The following FAT3 variants were observed in gnomAD, a reference collection of about 807,000 sequenced individuals.
The protein encoded by FAT3 is FAT atypical cadherin 3.
FAT3 carries 95 observed loss-of-function variants against 310.2 expected under a neutral mutation model. The observed-to-expected ratio is 0.31, with a 90% CI of 0.26 to 0.36. FAT3 has a LOEUF of 0.36. Ranked by LOEUF, FAT3 falls within the 10% of genes least tolerant of loss-of-function variation. The pLI, the probability that FAT3 is intolerant of heterozygous loss-of-function variation, is 1.00. For synonymous variants in FAT3, 2,314 were observed against 2,192.9 expected, an observed-to-expected ratio of 1.06 and a Z score of -1.54; for missense variants, 5,408 against 5,715.6, an observed-to-expected ratio of 0.95 and a Z score of 1.74.
At chr11:92,689,040 A>G (rs1030105188) in intron 3 of FAT3, among the ~76,000 whole-genome samples, 3 of 152,164 alleles carry the variant, frequency 2.0e-5, no homozygotes, top group Non-Finnish European at 4.4e-5. Context: ...GAATAGTATT[A>G]TTTGGGCATG....
At chr11:92,709,015 G>A (rs1007558369) in intron 4 of FAT3, among the ~76,000 whole-genome samples, 2 of 152,108 alleles carry the variant, frequency 1.3e-5, no homozygotes, top group East Asian at 1.9e-4. Flanking sequence ...TAGGTAGACC[G>A]AGGCACCCAA....
intron 2 of FAT3, among the ~76,000 whole-genome samples, chr11:92,433,394 G>A (rs936043860): frequency 6.6e-6 from 1 of 152,198 alleles, no homozygotes; most frequent in Admixed American, 6.5e-5. Flanking sequence ...TGGTCTGCAG[G>A]TTGCAAAGAC....
intron 1 of FAT3, among the ~76,000 whole-genome samples, chr11:92,282,106 A>G (rs1228831685): frequency 6.6e-6 from 1 of 151,958 alleles, no homozygotes; most frequent in Non-Finnish European, 1.5e-5. Flanking sequence ...GGGTTTCACC[A>G]TGTTTGCCAG....
intron 2 of FAT3, among the ~76,000 whole-genome samples, chr11:92,489,008 G>A (rs550107340): frequency 3.7e-4 from 56 of 152,196 alleles, no homozygotes; most frequent in Non-Finnish European, 5.7e-4. Context: ...ATCCACCTAG[G>A]AGAGTCAAAT....
At chr11:92,327,654 C>A (rs1000588412) in intron 1 of FAT3, among the ~76,000 whole-genome samples, 6 of 152,196 alleles carry the variant, frequency 3.9e-5, no homozygotes, top group Non-Finnish European at 2.9e-5. Context: ...TGACTCCACA[C>A]ATGTTTAAAA....
chr11:92,833,899 T>G (rs1011959201), intron 14 of FAT3, among the ~76,000 whole-genome samples: 2 of 152,164 alleles, frequency 1.3e-5, no homozygotes, highest in African/African-American at 4.8e-5. Flanking sequence ...TCCAGAAAAC[T>G]TAATTATGGG....
intron 22 of FAT3, among the ~76,000 whole-genome samples, chr11:92,878,764 C>T (rs1949602347): frequency 6.7e-6 from 1 of 149,234 alleles, no homozygotes; most frequent in African/African-American, 2.5e-5. Flanking sequence ...AAAGCAAAAC[C>T]TCATAGAGAT....
chr11:92,568,389 T>C (rs926914217), intron 3 of FAT3, among the ~76,000 whole-genome samples: 6 of 151,848 alleles, frequency 4.0e-5, no homozygotes. Flanking sequence ...GATGAGATAG[T>C]GGAAGTAGAC....
At chr11:92,410,085 C>T (rs188267365) in intron 2 of FAT3, among the ~76,000 whole-genome samples, 4 of 152,168 alleles carry the variant, frequency 2.6e-5, no homozygotes, top group African/African-American at 7.2e-5. Flanking sequence ...TTACTTTTTA[C>T]ATTTCTTTTA....
intron 1 of FAT3, among the ~76,000 whole-genome samples, chr11:92,351,551 G>C (rs1591151876): frequency 2.0e-5 from 3 of 151,896 alleles, no homozygotes; most frequent in Admixed American, 2.0e-4. Context: ...ACATCTTACT[G>C]CATCTGAAAA....
intron 1 of FAT3, among the ~76,000 whole-genome samples, chr11:92,227,050 G>C (rs1863945721): frequency 6.6e-6 from 1 of 152,212 alleles, no homozygotes; most frequent in African/African-American, 2.4e-5. Flanking sequence ...AGGGGGAGGG[G>C]GCGAGCTGTC....
intron 2 of FAT3, among the ~76,000 whole-genome samples, chr11:92,512,264 A>G (rs1294170989): frequency 6.6e-6 from 1 of 151,994 alleles, no homozygotes; most frequent in Non-Finnish European, 1.5e-5. Flanking sequence ...ACAAATTTAA[A>G]GATCTTAACT....
intron 13 of FAT3, among the ~76,000 whole-genome samples, chr11:92,816,598 C>G (rs1449823685): frequency 6.6e-6 from 1 of 152,170 alleles, no homozygotes; most frequent in Non-Finnish European, 1.5e-5. Flanking sequence ...CACAGTGGGT[C>G]CCAAAGAGGT....
At chr11:92,778,085 G>A (rs941563161) in intron 7 of FAT3, among the ~76,000 whole-genome samples, 14 of 152,080 alleles carry the variant, frequency 9.2e-5, no homozygotes, top group African/African-American at 3.1e-4. Flanking sequence ...GGTGGAAAGT[G>A]CAAGACAGTG....
rs1474043630 is a variant in FAT3, at chr11:92,883,001, A to G, written c.12545A>G (p.Lys4182Arg). 1 of 1,613,956 alleles carries G rather than the reference A, an allele frequency of 6.2e-7. No homozygotes were observed. The highest frequency in any genetic ancestry group is 1.7e-5 in the Admixed American group (1 of 60,032). ...FIVFRKKVFR[K>R]NYSRNNITLV... ...GTCTTCCGCAAGAAGGTCTTCCGCA[A>G]GAACTACTCCCGCAACAACATCACG... Residue 4182 changes from lysine to arginine, a missense_variant, in exon 24 of 28, where the codon AAG becomes AGG. By Grantham distance (26) the Lys-to-Arg change is conservative. Coordinates refer to ENST00000525166, the MANE Select transcript of FAT3 (RefSeq NM_001367949.2). This position sits in a 1 kb window ranked among gnomAD's most constrained non-coding sequence, Gnocchi z 4.2.
chr11:92,877,204 C>T (rs917863501), intron 22 of FAT3, among the ~76,000 whole-genome samples: 4 of 152,038 alleles, frequency 2.6e-5, no homozygotes, highest in African/African-American at 4.8e-5. Context: ...TAGAAGGGAC[C>T]GAATTCCCAA....
intron 2 of FAT3, among the ~76,000 whole-genome samples, chr11:92,428,778 G>A (rs894555639): frequency 6.6e-5 from 10 of 152,230 alleles, no homozygotes; most frequent in East Asian, 3.9e-4. Context: ...TTGCATTGCC[G>A]AGGAGTGTTG....
At chr11:92,360,735 A>C (rs1948858478) in intron 2 of FAT3, among the ~76,000 whole-genome samples, 1 of 152,146 alleles carries the variant, frequency 6.6e-6, no homozygotes, top group Admixed American at 6.6e-5. Flanking sequence ...TACTAATTGG[A>C]TTATTTCTTC....
At chr11:92,417,480 A>C (rs933304703) in intron 2 of FAT3, among the ~76,000 whole-genome samples, 3 of 152,216 alleles carry the variant, frequency 2.0e-5, no homozygotes, top group African/African-American at 7.2e-5. Context: ...TAGTGTAATC[A>C]GTGATTGTAG....
Sources: allele counts gnomAD v4.1 joint callset (sites outside exome capture counted in the v4.1 genomes callset), GRCh38; gene constraint gnomAD v4.1.1; non-coding constraint Gnocchi (gnomAD v3.1); transcripts MANE v1.5; gene names NCBI Gene and HGNC (gene_info 2026-07-23, HGNC 2026-07-21).